Variants in UBE2Q2 observed in about 807,000 individuals in gnomAD.
UBE2Q2 encodes ubiquitin conjugating enzyme E2 Q2.
Under a neutral mutation model 59.9 loss-of-function variants are expected in UBE2Q2, and 54 were observed. That is an observed-to-expected ratio of 0.90 (90% confidence interval 0.72 to 1.13). The LOEUF is 1.13. Ranked by LOEUF, UBE2Q2 falls within the 50% of genes most tolerant of loss-of-function variation. The pLI is 0.00. For synonymous variants in UBE2Q2, 165 were observed against 155.2 expected (o/e 1.06, Z -0.47); for missense variants, 433 against 441.9 (o/e 0.98, Z 0.18).
chr15:75,874,901 A>G (rs1897992814), intron 5 of UBE2Q2, among the ~76,000 whole-genome samples: 2 of 152,172 alleles, frequency 1.3e-5, no homozygotes, highest in Non-Finnish European at 2.9e-5. Flanking sequence ...CAGGGAATGA[A>G]TTGTTAGGTA....
At chr15:75,847,097 T>G (rs1896392016) in intron 1 of UBE2Q2, among the ~76,000 whole-genome samples, 2 of 152,232 alleles carry the variant, frequency 1.3e-5, no homozygotes, top group Non-Finnish European at 2.9e-5. Context: ...CTGTATTCTG[T>G]AAGCCTTTAA....
At chr15:75,883,903 A>G (rs974540084) in intron 9 of UBE2Q2, among the ~76,000 whole-genome samples, 1 of 152,156 alleles carries the variant, frequency 6.6e-6, no homozygotes, top group Non-Finnish European at 1.5e-5. Flanking sequence ...TAAAAAAGCT[A>G]ATGTTTTCAA....
At chr15:75,865,207 C>G (rs1423533880) in intron 3 of UBE2Q2, among the ~76,000 whole-genome samples, 1 of 152,250 alleles carries the variant, frequency 6.6e-6, no homozygotes, top group Non-Finnish European at 1.5e-5. Flanking sequence ...CCTTACATTT[C>G]TCTAGTGTTA....
At chr15:75,848,743 G>A (rs1331472824) in intron 1 of UBE2Q2, among the ~76,000 whole-genome samples, 1 of 152,026 alleles carries the variant, frequency 6.6e-6, no homozygotes, top group African/African-American at 2.4e-5. Context: ...TGAGGGGTGG[G>A]GAATTGAGTT....
Position 75,868,976 on chromosome 15 carries a change from CAGAAGAAGAGGA to C in UBE2Q2, c.423_434del (p.Glu143_Glu146del), listed in dbSNP as rs1897646448. On this transcript the variant is annotated inframe_deletion, in exon 4 of 13. Transcript: ENST00000267938. ...AATGGGACAACAGAAGAAGTGACTTCAGAAGAAGAGGAAGAAGAAGAAGAGATGGCTGAAGTA... is the reference window on the plus strand; with the variant it reads ...AATGGGACAACAGAAGAAGTGACTTCAGAAGAAGAAGAGATGGCTGAAGTA... 3 of 1,612,572 alleles carry C rather than the reference CAGAAGAAGAGGA, an allele frequency of 1.9e-6. No individual in the cohort carries two copies. Among genetic ancestry groups the C allele is most frequent in the Non-Finnish European group, 2.5e-6 (3 of 1,179,216 alleles).
chr15:75,876,083 A>T (rs1898062097), intron 5 of UBE2Q2, 104 bp from the exon 6 acceptor site: 1 of 1,130,676 alleles, frequency 8.8e-7, no homozygotes, highest in Non-Finnish European at 1.3e-6. Flanking sequence ...AAAAAAAAAA[A>T]TGTTGAGTGG....
intron 8 of UBE2Q2, among the ~76,000 whole-genome samples, chr15:75,880,661 C>T (rs946768036): frequency 3.3e-5 from 5 of 151,796 alleles, no homozygotes; most frequent in African/African-American, 7.3e-5. Context: ...CCACTATGTC[C>T]GCATAATTTT....
chr15:75,897,693 CTTG>C (rs757596794), intron 12 of UBE2Q2, among the ~76,000 whole-genome samples: 41 of 149,516 alleles, frequency 2.7e-4, no homozygotes, highest in South Asian at 1.5e-3. Flanking sequence ...AGATGGAGTT[CTTG>C]TTGTTATAAC....
chr15:75,850,561 G>A (rs1454752031), intron 1 of UBE2Q2, among the ~76,000 whole-genome samples: 1 of 152,212 alleles, frequency 6.6e-6, no homozygotes, highest in African/African-American at 2.4e-5. Flanking sequence ...ACTGGAAATG[G>A]GGTGGGCTGG....
chr15:75,864,536 C>T (rs1897357886), intron 3 of UBE2Q2, among the ~76,000 whole-genome samples: 1 of 150,738 alleles, frequency 6.6e-6, no homozygotes, highest in Non-Finnish European at 1.5e-5. Context: ...GAGTCTTTGA[C>T]TGTCTTTTTC....
chr15:75,878,321 G>T, intron 7 of UBE2Q2: 1 of 292,066 alleles, frequency 3.4e-6, no homozygotes, highest in Non-Finnish European at 6.3e-6. Flanking sequence ...GTGATAACCA[G>T]TTTATATTTG....
At chr15:75,858,009 G>A (rs1036564594) in intron 2 of UBE2Q2, among the ~76,000 whole-genome samples, 7 of 152,114 alleles carry the variant, frequency 4.6e-5, no homozygotes, top group African/African-American at 1.7e-4. Context: ...AAAAGACAAG[G>A]CATGTCCCTG....
intron 12 of UBE2Q2, 83 bp from the exon 13 acceptor site, chr15:75,899,344 G>C (rs1257980178): frequency 1.0e-5 from 8 of 790,546 alleles, no homozygotes; most frequent in Non-Finnish European, 1.5e-5. Flanking sequence ...TATGAAAAGA[G>C]ACTGTAGCTA....
At position 75,876,178 on chromosome 15, in the gene UBE2Q2, G is replaced by T. The variant is rs1309772179; in HGVS notation, c.589-9G>T. The T allele has an allele frequency of 3.7e-6, 6 of 1,612,938 alleles. No homozygotes were observed. In the Admixed American group the frequency reaches 8.3e-5, roughly 22 times the overall value. ...CAGACCCTGGTAAACAGTGGCTTTT[G>T]TGTTTCAGGGTGCAGTGTCTGGGTC... On this transcript the variant is annotated splice_polypyrimidine_tract_variant and intron_variant, in intron 5 of 12. Coordinates refer to ENST00000267938, the MANE Select transcript of UBE2Q2 (RefSeq NM_173469.4).
intron 8 of UBE2Q2, 44 bp downstream of exon 8, chr15:75,879,232 CG>C: frequency 8.3e-7 from 1 of 1,201,006 alleles, no homozygotes; most frequent in South Asian, 1.4e-5. Context: ...CAGTGGGGTG[CG>C]TATATTTGTA....
rs372445323 is a variant in UBE2Q2 at position 75,845,075 on chromosome 15, C to T, written c.180+1229C>T. 7.9e-5 allele frequency among the ~76,000 whole-genome samples: 12 copies of T among 152,210 alleles called. No individual in the cohort carries two copies. In the East Asian group the frequency reaches 2.3e-3, roughly 29 times the overall value. On this transcript the variant is annotated intron_variant, in intron 1 of 12. Coordinates refer to ENST00000267938, the MANE Select transcript of UBE2Q2 (RefSeq NM_173469.4). ...GCAGAATTGAGTGAAGTCGTCCTCG[C>T]TCTCAGAACTCAGTCTTCTTGGGGG...
intron 9 of UBE2Q2, among the ~76,000 whole-genome samples, chr15:75,889,458 T>A (rs1898971962): frequency 6.6e-6 from 1 of 152,200 alleles, no homozygotes; most frequent in Non-Finnish European, 1.5e-5. Flanking sequence ...CAAAGTAATT[T>A]GGTTAGTTGA....
At chr15:75,854,136 A>G (rs1486292537) in intron 1 of UBE2Q2, among the ~76,000 whole-genome samples, 3 of 152,166 alleles carry the variant, frequency 2.0e-5, no homozygotes. Context: ...GATCGGGGCC[A>G]TTTTAGAGGC....
intron 2 of UBE2Q2, among the ~76,000 whole-genome samples, chr15:75,856,856 G>T (rs529370292): frequency 6.6e-6 from 1 of 151,762 alleles, no homozygotes; most frequent in South Asian, 2.1e-4. Context: ...GGCAGGAGAA[G>T]TGCTTCAACC....
Sources: gnomAD v4.1 joint callset for allele counts (sites outside exome capture counted in the v4.1 genomes callset) on GRCh38, gnomAD v4.1.1 for gene constraint, MANE v1.5 for transcripts, NCBI Gene and HGNC (gene_info 2026-07-23, HGNC 2026-07-21) for gene names.